SCAPER: variants seen among roughly 807,000 people sequenced by gnomAD.
The protein encoded by SCAPER is S phase cyclin A-associated protein in the endoplasmic reticulum.
A neutral mutation model predicts 182.2 loss-of-function variants in SCAPER; 98 were observed. That is an observed-to-expected ratio of 0.54 (90% CI 0.46 to 0.64). SCAPER has a LOEUF of 0.64. Ranked by LOEUF, SCAPER falls within the 30% of genes least tolerant of loss-of-function variation. The pLI is 0.00. For missense variants in SCAPER, 1,432 were observed against 1,690.0 expected (o/e 0.85, Z 2.68); for synonymous variants, 605 against 564.6 (o/e 1.07, Z -1.01).
chr15:76,800,224 T>G, intron 7 of SCAPER, 24 bp downstream of exon 7: 1 of 1,218,622 alleles, frequency 8.2e-7, no homozygotes, highest in East Asian at 2.3e-5. Flanking sequence ...CAAGTCTTAG[T>G]AGTTTTTTCT....
chr15:76,407,436 T>C (rs976071185), intron 26 of SCAPER, among the ~76,000 whole-genome samples: 8 of 152,230 alleles, frequency 5.3e-5, no homozygotes, highest in Admixed American at 3.9e-4. Context: ...AGCCTTGGCA[T>C]CTAGTTCAAA....
At position 76,372,748 on chromosome 15, in the gene SCAPER, G is replaced by A. The variant is rs188737740; in HGVS notation, c.3855+3414C>T. On this transcript the variant is annotated intron_variant, in intron 29 of 31. Transcript: ENST00000563290. ...TGTCAATATATGATAAACAATTTAA[G>A]TATAAAACAAGACATTTTTAGGTAA... Among the ~76,000 whole-genome samples, 484 of 152,272 alleles carry A rather than the reference G, an allele frequency of 3.2e-3. 3 individuals carry two copies. Among genetic ancestry groups the A allele is most frequent in the Middle Eastern group, 0.031 (9 of 294 alleles).
chr15:76,655,173 G>A (rs1231079695), intron 21 of SCAPER, among the ~76,000 whole-genome samples: 2 of 152,180 alleles, frequency 1.3e-5, no homozygotes, highest in East Asian at 3.9e-4. Context: ...TACAGGAGCT[G>A]AGAGACAAAA....
intron 22 of SCAPER, among the ~76,000 whole-genome samples, chr15:76,587,403 A>G (rs1223877323): frequency 6.6e-6 from 1 of 152,024 alleles, no homozygotes; most frequent in African/African-American, 2.4e-5. Context: ...GTGCTCTTTC[A>G]GACTTTTTGA....
chr15:76,474,071 A>G (rs187972050), intron 24 of SCAPER, among the ~76,000 whole-genome samples: 1 of 152,206 alleles, frequency 6.6e-6, no homozygotes, highest in Non-Finnish European at 1.5e-5. Flanking sequence ...TCGGCCTCCC[A>G]AAGTGTTGAG....
intron 18 of SCAPER, 138 bp from the exon 19 acceptor site, chr15:76,703,140 CT>C: frequency 1.1e-6 from 1 of 896,362 alleles, no homozygotes; most frequent in Non-Finnish European, 1.6e-6. Context: ...GAAGACAAAG[CT>C]TTACACAAAG....
intron 20 of SCAPER, among the ~76,000 whole-genome samples, chr15:76,687,146 T>C (rs945328126): frequency 2.6e-5 from 4 of 152,034 alleles, no homozygotes; most frequent in African/African-American, 7.2e-5. Context: ...TGTGAAGAAA[T>C]AACAATAATA....
intron 25 of SCAPER, among the ~76,000 whole-genome samples, chr15:76,459,716 C>T (rs985989603): frequency 1.3e-5 from 2 of 151,968 alleles, no homozygotes; most frequent in Admixed American, 6.6e-5. Flanking sequence ...GTTGCCTGTA[C>T]TTTTGAGGTC....
At chr15:76,811,032 C>T (rs1277995474) in intron 5 of SCAPER, among the ~76,000 whole-genome samples, 1 of 145,414 alleles carries the variant, frequency 6.9e-6, no homozygotes, top group Non-Finnish European at 1.5e-5. Context: ...AATAATAAAG[C>T]AAATACTGAT....
At chr15:76,882,910 C>A (rs910298090) in intron 2 of SCAPER, among the ~76,000 whole-genome samples, 1 of 152,162 alleles carries the variant, frequency 6.6e-6, no homozygotes, top group Non-Finnish European at 1.5e-5. Context: ...GTGATCCGCC[C>A]GTCTAGGCCT....
chr15:76,738,834 T>A (rs1368515055), intron 15 of SCAPER, among the ~76,000 whole-genome samples: 6 of 152,052 alleles, frequency 3.9e-5, no homozygotes, highest in African/African-American at 1.4e-4. Context: ...ATATTATGAG[T>A]CACCAAAGTA....
intron 21 of SCAPER, among the ~76,000 whole-genome samples, chr15:76,654,105 A>G (rs947852827): frequency 2.0e-5 from 3 of 152,216 alleles, no homozygotes; most frequent in Non-Finnish European, 4.4e-5. Flanking sequence ...AAAAATGCTC[A>G]GCATCACTAA....
chr15:76,760,567 A>G (rs1341555313), intron 14 of SCAPER, among the ~76,000 whole-genome samples: 1 of 152,144 alleles, frequency 6.6e-6, no homozygotes, highest in Non-Finnish European at 1.5e-5. Context: ...GGCTTTGGCA[A>G]TCAACCAAAC....
In SCAPER at chr15:76,530,541, G is replaced by T. The variant is rs560417440; in HGVS notation, c.2839-25567C>A. ...ACTGTCCCAAATATCTGTTCCAGAGGCACTATGGGAAATTTATTAACCTCT... is the reference window on the plus strand; with the variant it reads ...ACTGTCCCAAATATCTGTTCCAGAGTCACTATGGGAAATTTATTAACCTCT... On this transcript the variant is annotated intron_variant, in intron 23 of 31. Transcript: ENST00000563290. Among the ~76,000 whole-genome samples the T allele has an allele frequency of 5.3e-5, 8 of 152,242 alleles. No homozygotes were observed. The South Asian group carries it at 1.5e-3, about 28-fold the overall frequency.
intron 29 of SCAPER, among the ~76,000 whole-genome samples, chr15:76,361,716 C>T (rs935422722): frequency 2.6e-5 from 4 of 152,200 alleles, no homozygotes; most frequent in Non-Finnish European, 4.4e-5. Flanking sequence ...AGTATCTCAA[C>T]CCTTTTCAGT....
chr15:76,604,668 T>G (rs1296648502), intron 22 of SCAPER, among the ~76,000 whole-genome samples: 1 of 152,090 alleles, frequency 6.6e-6, no homozygotes, highest in Non-Finnish European at 1.5e-5. Context: ...GCATGGAATG[T>G]TCTTCCATTT....
intron 5 of SCAPER, among the ~76,000 whole-genome samples, chr15:76,825,176 A>G (rs909307947): frequency 6.6e-5 from 10 of 152,190 alleles, no homozygotes; most frequent in African/African-American, 2.2e-4. Context: ...ATATGCTTTT[A>G]TTCAGCCTCA....
At chr15:76,667,647 A>C (rs1345698095) in intron 20 of SCAPER, among the ~76,000 whole-genome samples, 4 of 126,168 alleles carry the variant, frequency 3.2e-5, no homozygotes, top group African/African-American at 9.8e-5. Context: ...AAAAAAAAAA[A>C]AAAAAAAAAA....
intron 23 of SCAPER, among the ~76,000 whole-genome samples, chr15:76,508,021 A>G (rs12148786): frequency 0.48 from 73,092 of 151,916 alleles, 18,723 homozygotes; most frequent in Middle Eastern, 0.63. Context: ...TTACAACTCC[A>G]AAATTAAAAT....
Sources: allele counts gnomAD v4.1 joint callset (sites outside exome capture counted in the v4.1 genomes callset), GRCh38; gene constraint gnomAD v4.1.1; transcripts MANE v1.5; gene names NCBI Gene and HGNC (gene_info 2026-07-23, HGNC 2026-07-21).